ACSS3: variants seen among roughly 807,000 people sequenced by gnomAD.
ACSS3 encodes the protein acyl-CoA synthetase short chain family member 3.
In ACSS3, 64 loss-of-function variants were observed where a neutral mutation model predicts 84.2. The observed-to-expected ratio is 0.76, with a 90% CI of 0.62 to 0.94. ACSS3 has a LOEUF of 0.94. ACSS3 is among the 40% of genes least tolerant of loss of function. The pLI, the probability that ACSS3 is intolerant of heterozygous loss-of-function variation, is 0.00. For missense variants in ACSS3, 815 were observed against 867.6 expected, an observed-to-expected ratio of 0.94 and a Z score of 0.76; for synonymous variants, 317 against 310.1, an observed-to-expected ratio of 1.02 and a Z score of -0.23.
intron 9 of ACSS3, among the ~76,000 whole-genome samples, chr12:81,200,603 T>G (rs1201890509): frequency 6.6e-6 from 1 of 152,074 alleles, no homozygotes; most frequent in Non-Finnish European, 1.5e-5. Flanking sequence ...AAAAATGTGT[T>G]TTCTGACTGG....
At chr12:81,171,709 T>C in intron 7 of ACSS3, among the ~76,000 whole-genome samples, 1 of 152,284 alleles carries the variant, frequency 6.6e-6, no homozygotes, top group Admixed American at 6.5e-5. Flanking sequence ...ATAAAAAGTA[T>C]GATGTAGTTT....
intron 11 of ACSS3, among the ~76,000 whole-genome samples, chr12:81,225,981 G>A (rs143080678): frequency 1.1e-4 from 16 of 151,848 alleles, no homozygotes; most frequent in South Asian, 2.1e-4. Context: ...AAATCAACCT[G>A]CCTTTGTGCA....
At chr12:81,224,086 C>T (rs191990915) in intron 11 of ACSS3, among the ~76,000 whole-genome samples, 1 of 152,054 alleles carries the variant, frequency 6.6e-6, no homozygotes, top group African/African-American at 2.4e-5. Context: ...AGAGGACTCT[C>T]AATTCATAAT....
intron 5 of ACSS3, among the ~76,000 whole-genome samples, chr12:81,144,903 C>CTTTTTTTT (rs1292727483): frequency 6.8e-5 from 8 of 116,950 alleles, no homozygotes; most frequent in East Asian, 2.5e-4. Flanking sequence ...TTTTTCTTTT[C>CTTTTTTTT]TTTTTTTTTT....
At chr12:81,192,754 G>T (rs1397671282) in intron 8 of ACSS3, among the ~76,000 whole-genome samples, 1 of 152,140 alleles carries the variant, frequency 6.6e-6, no homozygotes, top group East Asian at 1.9e-4. Flanking sequence ...CATAGTTTTT[G>T]TTCAGTTTCT....
chr12:81,134,910 C>A lies in ACSS3; in HGVS notation c.551C>A (p.Thr184Asn), dbSNP rs779854627. 1.2e-6 allele frequency: 2 copies of A among 1,607,326 alleles called. No individual in the cohort carries two copies. The highest frequency in any genetic ancestry group is 1.7e-6 in the Non-Finnish European group (2 of 1,176,444). The part of the protein sequence containing the change: ...YMPMIPQAMY[T>N]MLACARIGAI... The stretch of plus-strand genomic sequence containing the variant: ...CCTATGATCCCACAGGCGATGTATA[C>A]CATGTTGGCATGTGCAAGGATAGGT... The change falls in exon 3 of 16, where the codon ACC becomes AAC. Residue 184 changes from threonine (T) to asparagine (N), a missense_variant. Physicochemically the swap from Thr to Asn is moderately conservative, Grantham distance 65. Transcript: ENST00000548058.
In ACSS3 at chr12:81,258,915, A is replaced by G. The variant is rs1055568751; in HGVS notation, c.*3993A>G. The G allele has an allele frequency of 6.6e-6, 1 of 151,684 alleles. No homozygotes were observed. Among genetic ancestry groups the G allele is most frequent in the African/African-American group, 2.4e-5 (1 of 41,238 alleles). The allele number at this position is 151,684 out of a possible 1,614,324, so 9.4% of individuals were successfully genotyped here. ...CAAGAGAAGATTATGGTTTTTTAAT[A>G]TAAATTTTTAAATAATTGCTTTTGA... On this transcript the variant is annotated 3_prime_UTR_variant, in exon 16 of 16. Transcript: ENST00000548058.
intron 5 of ACSS3, among the ~76,000 whole-genome samples, chr12:81,144,420 T>C (rs541638429): frequency 1.1e-4 from 16 of 152,330 alleles, no homozygotes; most frequent in African/African-American, 3.8e-4. Flanking sequence ...TATTTCTGCA[T>C]ATTGAAGATT....
intron 2 of ACSS3, among the ~76,000 whole-genome samples, chr12:81,120,481 A>G (rs1884487929): frequency 6.6e-6 from 1 of 152,230 alleles, no homozygotes; most frequent in Admixed American, 6.5e-5. Context: ...CATTTAATCT[A>G]GCACAATTTT....
chr12:81,083,533 CT>C (rs993135835), intron 1 of ACSS3, among the ~76,000 whole-genome samples: 1 of 151,410 alleles, frequency 6.6e-6, no homozygotes, highest in African/African-American at 2.4e-5. Flanking sequence ...GATTTTTGTA[CT>C]TTTTTTTAGT....
Position 81,174,871 on chromosome 12 carries a change from A to G in ACSS3, c.1182A>G (p.Pro394=). 6.2e-7 allele frequency: 1 copy of G among 1,614,018 alleles called. No homozygotes were observed. Among genetic ancestry groups the G allele is most frequent in the South Asian group, 1.1e-5 (1 of 91,084 alleles). Residue 394 remains proline, a synonymous_variant, in exon 8 of 16, where the codon CCA becomes CCG. Transcript: ENST00000548058. ...EHGVAALFTA[P]TAIRAIRQQD... ...GAGTAGCTGCCTTGTTTACAGCACC[A>G]ACTGCAATTAGAGCAATCCGTCAAC...
intron 2 of ACSS3, among the ~76,000 whole-genome samples, chr12:81,131,266 G>C (rs1003557060): frequency 6.6e-6 from 1 of 152,096 alleles, no homozygotes; most frequent in African/African-American, 2.4e-5. Flanking sequence ...TGAGCATGGA[G>C]TGTTCTTCCA....
chr12:81,175,782 A>G (rs1421191672), intron 8 of ACSS3, among the ~76,000 whole-genome samples: 1 of 152,210 alleles, frequency 6.6e-6, no homozygotes, highest in African/African-American at 2.4e-5. Flanking sequence ...TTAAGGTAGA[A>G]ATCAAGAAAT....
chr12:81,253,546 G>T lies in ACSS3; in HGVS notation c.1871G>T (p.Arg624Ile). 1 of 1,613,940 alleles carries T rather than the reference G, an allele frequency of 6.2e-7. No homozygotes were observed. The highest frequency in any genetic ancestry group is 8.5e-7 in the Non-Finnish European group (1 of 1,179,924). The stretch of plus-strand genomic sequence containing the variant: ...TTGGAAGAAATTGTGAAACACGTTA[G>T]ACAGAACATTGGCCCTGTGGCTGCT... ...QVLEEIVKHV[R>I]QNIGPVAAFR... Residue 624 changes from arginine to isoleucine, a missense_variant, in exon 15 of 16, where the codon AGA becomes ATA. Coordinates refer to ENST00000548058, the MANE Select transcript of ACSS3 (RefSeq NM_024560.4).
chr12:81,156,213 A>C lies in ACSS3; in HGVS notation c.1098+4117A>C, dbSNP rs566691843. On this transcript the variant is annotated intron_variant, in intron 7 of 15. Coordinates refer to ENST00000548058, the MANE Select transcript of ACSS3 (RefSeq NM_024560.4). ...ACACACACACACACACACACCCCAC[A>C]CACACACACACACACACGTCTCTGG... 6.9e-4 allele frequency among the ~76,000 whole-genome samples: 104 copies of C among 150,554 alleles called. No individual in the cohort carries two copies. The East Asian group carries it at 9.9e-3, about 14-fold the overall frequency.
chr12:81,107,511 CATATATATATATAT>C (rs566270568), intron 1 of ACSS3, among the ~76,000 whole-genome samples: 1,719 of 38,832 alleles, frequency 0.044, 71 homozygotes, highest in Middle Eastern at 0.16. Flanking sequence ...CAAATATATA[CATATATATATATAT>C]ATATATATAT....
At chr12:81,141,106 A>G (rs1218855306) in intron 4 of ACSS3, among the ~76,000 whole-genome samples, 2 of 152,212 alleles carry the variant, frequency 1.3e-5, no homozygotes, top group Non-Finnish European at 2.9e-5. Context: ...CTTTCACTAT[A>G]AACACATTGG....
At chr12:81,208,982 A>G (rs1043921077) in intron 9 of ACSS3, among the ~76,000 whole-genome samples, 1 of 152,206 alleles carries the variant, frequency 6.6e-6, no homozygotes, top group Non-Finnish European at 1.5e-5. Context: ...TTTGAATATC[A>G]TTCTTGGAAT....
At chr12:81,214,020 GTCTT>G (rs1165979391) in intron 9 of ACSS3, among the ~76,000 whole-genome samples, 1 of 73,466 alleles carries the variant, frequency 1.4e-5, no homozygotes, top group Non-Finnish European at 2.6e-5. Flanking sequence ...CTGTCTGTCT[GTCTT>G]TCTTTCTTTC....
Sources: allele counts gnomAD v4.1 joint callset (sites outside exome capture counted in the v4.1 genomes callset), GRCh38; gene constraint gnomAD v4.1.1; transcripts MANE v1.5; gene names NCBI Gene and HGNC (gene_info 2026-07-23, HGNC 2026-07-21).